Variants in VPS8 observed in about 807,000 individuals in gnomAD.
VPS8 encodes the protein VPS8 subunit of CORVET complex.
A neutral mutation model predicts 216.4 loss-of-function variants in VPS8; 129 were observed. The ratio of observed to expected loss-of-function variants is 0.60; its 90% CI spans 0.52 to 0.69. The LOEUF (loss-of-function observed/expected upper bound fraction) is 0.69. Among genes scored for constraint, VPS8 ranks in the 30% least tolerant of loss-of-function variants. The pLI, the probability that VPS8 is intolerant of heterozygous loss-of-function variation, is 0.00. For missense variants in VPS8, 1,531 were observed against 1,683.5 expected, an observed-to-expected ratio of 0.91 and a Z score of 1.59; for synonymous variants, 571 against 565.4, an observed-to-expected ratio of 1.01 and a Z score of -0.14.
intron 4 of VPS8, 99 bp downstream of exon 4, chr3:184,832,918 G>C (rs1720302626): frequency 7.2e-7 from 1 of 1,393,104 alleles, no homozygotes; most frequent in African/African-American, 1.5e-5. Flanking sequence ...GTCTGTTGAA[G>C]CCTTGCATGG....
At position 185,052,180 on chromosome 3, in the gene VPS8, T is replaced by C. The variant is rs754872974; in HGVS notation, c.*155T>C. On this transcript the variant is annotated 3_prime_UTR_variant, in exon 48 of 48. Coordinates refer to ENST00000625842, the MANE Select transcript of VPS8 (RefSeq NM_001009921.3). ...TGTGCCCAGAGCGTCCACAGCACCATTCCCAGTGTAGACTCCCAGTCTTCT... is the reference window on the plus strand; with the variant it reads ...TGTGCCCAGAGCGTCCACAGCACCACTCCCAGTGTAGACTCCCAGTCTTCT... 5.5e-5 allele frequency: 39 copies of C among 714,982 alleles called. No individual in the cohort carries two copies. The highest frequency in any genetic ancestry group is 8.3e-5 in the Non-Finnish European group (38 of 459,612). The allele number at this position is 714,982 out of a possible 1,614,324, so 44.3% of individuals were successfully genotyped here.
chr3:184,948,729 T>C (rs1744130369), intron 36 of VPS8, among the ~76,000 whole-genome samples: 1 of 152,182 alleles, frequency 6.6e-6, no homozygotes, highest in Admixed American at 6.5e-5. Flanking sequence ...CATGTAGACA[T>C]GGCACCAGGC....
chr3:185,024,863 G>A (rs1452308361), intron 46 of VPS8, among the ~76,000 whole-genome samples: 3 of 152,106 alleles, frequency 2.0e-5, no homozygotes, highest in African/African-American at 7.2e-5. Flanking sequence ...TTAGCTCGGC[G>A]TGGTGGTGCA....
chr3:184,931,944 A>C (rs1466330443), intron 34 of VPS8, among the ~76,000 whole-genome samples: 1 of 152,170 alleles, frequency 6.6e-6, no homozygotes, highest in Non-Finnish European at 1.5e-5. Context: ...CATTATGTGA[A>C]ATGTGATAAA....
chr3:185,011,797 A>C (rs1755049800), intron 45 of VPS8, among the ~76,000 whole-genome samples: 1 of 152,232 alleles, frequency 6.6e-6, no homozygotes, highest in Non-Finnish European at 1.5e-5. Flanking sequence ...GGAAAGTGTA[A>C]ACTATAATCA....
At chr3:184,908,299 G>A (rs952297930) in intron 25 of VPS8, among the ~76,000 whole-genome samples, 15 of 152,328 alleles carry the variant, frequency 9.8e-5, no homozygotes, top group African/African-American at 3.4e-4. Context: ...ATTTTCTCTC[G>A]GTCCTTTGCC....
chr3:184,890,758 A>G (rs1732189841), intron 22 of VPS8, among the ~76,000 whole-genome samples: 1 of 152,170 alleles, frequency 6.6e-6, no homozygotes, highest in African/African-American at 2.4e-5. Flanking sequence ...ATTTGGCATT[A>G]GAGTCTTTTG....
chr3:184,985,580 A>T (rs1009784606), intron 42 of VPS8, among the ~76,000 whole-genome samples: 1 of 152,162 alleles, frequency 6.6e-6, no homozygotes, highest in African/African-American at 2.4e-5. Context: ...CTACATTTCT[A>T]TACTTAATCT....
At chr3:185,014,891 A>T (rs193121846) in intron 45 of VPS8, among the ~76,000 whole-genome samples, 62 of 152,292 alleles carry the variant, frequency 4.1e-4, no homozygotes, top group African/African-American at 1.5e-3. Flanking sequence ...TCACCGCAAA[A>T]CACTGGAAAA....
At chr3:184,870,859 C>T (rs1728209007) in intron 21 of VPS8, 54 bp downstream of exon 21, 1 of 1,418,840 alleles carries the variant, frequency 7.0e-7, no homozygotes, top group South Asian at 1.3e-5. Context: ...TCTAATACTC[C>T]TCTTTTATGT....
At chr3:185,043,329 C>CA (rs1236878687) in intron 46 of VPS8, among the ~76,000 whole-genome samples, 2 of 152,154 alleles carry the variant, frequency 1.3e-5, no homozygotes, top group Non-Finnish European at 2.9e-5. Context: ...ACATTAAACA[C>CA]AAACGCAGCT....
At chr3:184,998,042 G>C (rs1406926706) in intron 44 of VPS8, among the ~76,000 whole-genome samples, 2 of 152,162 alleles carry the variant, frequency 1.3e-5, no homozygotes, top group Non-Finnish European at 2.9e-5. Flanking sequence ...GGAGTAGTGA[G>C]TGAGGAGGCT....
rs538179444 is a variant in VPS8 at position 184,839,520 on chromosome 3, G to A, written c.481-178G>A. On this transcript the variant is annotated intron_variant, in intron 6 of 47. Coordinates refer to ENST00000625842, the MANE Select transcript of VPS8 (RefSeq NM_001009921.3). Reference sequence around the variant, plus strand: ...TAGAGTAAATTTAGAGGGATTCTCAGAAATAAAATGTCCTGAGTTTCATTT... The same window carrying A: ...TAGAGTAAATTTAGAGGGATTCTCAAAAATAAAATGTCCTGAGTTTCATTT... 5.1e-6 allele frequency: 3 copies of A among 586,698 alleles called. No homozygotes were observed. The East Asian group carries it at 9.0e-5, about 18-fold the overall frequency. 36.3% of individuals were successfully genotyped at this position (586,698 alleles called of 1,614,324 possible). A position where few individuals can be genotyped will look rare whatever the true frequency, so the allele number is the denominator to read the frequency against.
chr3:184,859,693 T>C (rs537133410), intron 14 of VPS8, among the ~76,000 whole-genome samples: 1 of 152,298 alleles, frequency 6.6e-6, no homozygotes, highest in South Asian at 2.1e-4. Context: ...GTCATTGATG[T>C]GATAAAGTTA....
In VPS8 at chr3:184,974,148, C is replaced by T. The variant is rs568922400; in HGVS notation, c.3420+2396C>T. On this transcript the variant is annotated intron_variant, in intron 40 of 47. Coordinates refer to ENST00000625842, the MANE Select transcript of VPS8 (RefSeq NM_001009921.3). ...CATACTGTTTTCCAAAATGGCTGTA[C>T]TAATTTACATGCTCACCAACCATGT... Among the ~76,000 whole-genome samples the T allele has an allele frequency of 3.9e-5, 6 of 152,242 alleles. No individual in the cohort carries two copies. The South Asian group carries it at 1.2e-3, about 32-fold the overall frequency.
intron 40 of VPS8, among the ~76,000 whole-genome samples, chr3:184,972,949 C>T (rs1020309068): frequency 1.3e-5 from 2 of 152,168 alleles, no homozygotes; most frequent in African/African-American, 4.8e-5. Context: ...TTTAGCCATA[C>T]ATGTTACAAT....
chr3:184,907,708 TC>T (rs1366141142), intron 25 of VPS8, among the ~76,000 whole-genome samples: 34 of 152,256 alleles, frequency 2.2e-4, no homozygotes, highest in Admixed American at 3.9e-4. Flanking sequence ...CTGTTCATCT[TC>T]TACTGATTGT....
chr3:184,888,419 A>G (rs1462482461), intron 22 of VPS8, among the ~76,000 whole-genome samples: 4 of 152,180 alleles, frequency 2.6e-5, no homozygotes, highest in Non-Finnish European at 4.4e-5. Flanking sequence ...ATGGACAGTG[A>G]TTGTGTAGTT....
intron 46 of VPS8, among the ~76,000 whole-genome samples, chr3:185,027,719 G>A (rs186489781): frequency 2.0e-5 from 3 of 152,278 alleles, no homozygotes; most frequent in Admixed American, 6.5e-5. Flanking sequence ...TAATGTCCCA[G>A]CTCTTTGTCA....
Sources: allele counts gnomAD v4.1 joint callset (sites outside exome capture counted in the v4.1 genomes callset), GRCh38; gene constraint gnomAD v4.1.1; transcripts MANE v1.5; gene names NCBI Gene and HGNC (gene_info 2026-07-23, HGNC 2026-07-21).